SLC22A14: variants seen among roughly 807,000 people sequenced by gnomAD.
SLC22A14 encodes organic cation transporter-like 4.
In SLC22A14, 50 loss-of-function variants were observed where a neutral mutation model predicts 53.9. That is an observed-to-expected ratio of 0.93 (90% confidence interval 0.74 to 1.17). SLC22A14 has a LOEUF of 1.17. Among genes scored for constraint, SLC22A14 ranks in the 50% most tolerant of loss-of-function variants. SLC22A14 has a pLI of 0.00. For synonymous variants in SLC22A14, 312 were observed against 303.0 expected, an observed-to-expected ratio of 1.03 and a Z score of -0.31; for missense variants, 671 against 734.7, an observed-to-expected ratio of 0.91 and a Z score of 1.00.
chr3:38,305,645 TTTTTGAAGAAAA>T, intron 1 of SLC22A14: 1 of 178,066 alleles, frequency 5.6e-6, no homozygotes, highest in Admixed American at 5.5e-5. Context: ...TCTTTGTTTG[TTTTTGAAGAAAA>T]GGTCCCTAGA....
chr3:38,297,965 T>G (rs1419340700), intron 1 of SLC22A14, among the ~76,000 whole-genome samples: 1 of 152,218 alleles, frequency 6.6e-6, no homozygotes, highest in African/African-American at 2.4e-5. Context: ...TGCCAAATGG[T>G]GATTTTTGAA....
chr3:38,280,228 A>G (rs1703638838), upstream of SLC22A14, among the ~76,000 whole-genome samples: 1 of 152,230 alleles, frequency 6.6e-6, no homozygotes, highest in Non-Finnish European at 1.5e-5. Flanking sequence ...ACCTTTTCTA[A>G]TAAAAACACT....
At position 38,307,813 on chromosome 3, in the gene SLC22A14, C is replaced by A; in HGVS notation, c.775+93C>A. ...GGGGACATAGTGGCAGGGGGCGTGGCGGCATAGGCAGATGGCAAGGGGGCG... is the reference window on the plus strand; with the variant it reads ...GGGGACATAGTGGCAGGGGGCGTGGAGGCATAGGCAGATGGCAAGGGGGCG... On this transcript the variant is annotated intron_variant, in intron 4 of 10. Transcript: ENST00000448498. This position sits in a 1 kb window ranked among gnomAD's most constrained non-coding sequence, Gnocchi z 4.4. 1 of 1,410,194 alleles carries A rather than the reference C, an allele frequency of 7.1e-7. No homozygotes were observed. Among genetic ancestry groups the A allele is most frequent in the Non-Finnish European group, 9.8e-7 (1 of 1,018,738 alleles). The allele number at this position is 1,410,194 out of a possible 1,614,324, so 87.4% of individuals were successfully genotyped here.
At chr3:38,298,517 A>G (rs1172240596) in intron 1 of SLC22A14, among the ~76,000 whole-genome samples, 1 of 151,856 alleles carries the variant, frequency 6.6e-6, no homozygotes, top group Non-Finnish European at 1.5e-5. Flanking sequence ...TTTGGTTCCA[A>G]TCCAAGACCA....
At chr3:38,304,448 C>T (rs766132825) in intron 1 of SLC22A14, among the ~76,000 whole-genome samples, 9 of 152,008 alleles carry the variant, frequency 5.9e-5, no homozygotes, top group African/African-American at 1.4e-4. Flanking sequence ...AGTGCGGTGG[C>T]GTGATCATGG....
intron 1 of SLC22A14, among the ~76,000 whole-genome samples, chr3:38,286,614 T>C (rs780710486): frequency 8.6e-5 from 13 of 151,914 alleles, no homozygotes; most frequent in Non-Finnish European, 1.5e-4. Context: ...TTTCACCATG[T>C]TGGCCAGTCT....
intron 5 of SLC22A14, 23 bp downstream of exon 5, chr3:38,309,145 T>G (rs770052868): frequency 1.9e-6 from 3 of 1,602,652 alleles, no homozygotes; most frequent in Non-Finnish European, 2.6e-6. Context: ...GTACCGGGCA[T>G]GTACAGGGCT....
intron 1 of SLC22A14, among the ~76,000 whole-genome samples, chr3:38,294,629 G>C (rs1407727869): frequency 5.3e-5 from 8 of 152,074 alleles, no homozygotes; most frequent in Non-Finnish European, 8.8e-5. Context: ...CGTCCTCTAT[G>C]GTCCTAGTGC....
intron 1 of SLC22A14, among the ~76,000 whole-genome samples, chr3:38,285,110 G>A (rs982638849): frequency 2.0e-5 from 3 of 152,192 alleles, no homozygotes; most frequent in African/African-American, 4.8e-5. Context: ...CAAAGATTCC[G>A]TAGCCATTAA....
intron 1 of SLC22A14, among the ~76,000 whole-genome samples, chr3:38,292,831 G>A (rs564237854): frequency 6.6e-6 from 1 of 152,294 alleles, no homozygotes; most frequent in South Asian, 2.1e-4. Flanking sequence ...ACAAGGAAAT[G>A]GGGCTTTCAG....
chr3:38,317,648 C>T (rs1441532364), intron 10 of SLC22A14, among the ~76,000 whole-genome samples: 2 of 152,154 alleles, frequency 1.3e-5, no homozygotes, highest in Non-Finnish European at 2.9e-5. Flanking sequence ...TACCTCATAC[C>T]TCTGAGACTC....
chr3:38,313,034 A>G lies in SLC22A14; in HGVS notation c.980A>G (p.Lys327Arg). The G allele has an allele frequency of 1.8e-5, 28 of 1,592,666 alleles. No individual in the cohort carries two copies. Among genetic ancestry groups the G allele is most frequent in the Non-Finnish European group, 2.3e-5 (27 of 1,170,338 alleles). ...GAGTCCCCGCGGTGGCTGATGATGA[A>G]AGGGAAGGTGAAGGAGGCCAAGCAG... is the stretch of plus-strand genomic sequence containing the variant. ...LPESPRWLMM[K>R]GKVKEAKQVL... The change falls in exon 6 of 11, where the codon AAA becomes AGA. Residue 327 changes from lysine (K) to arginine (R), a missense_variant. By Grantham distance (26) the Lys-to-Arg change is conservative (BLOSUM62 2). Transcript: ENST00000448498.
At position 38,315,252 on chromosome 3, in the gene SLC22A14, A is replaced by G. The variant is rs147436134; in HGVS notation, c.1379-306A>G. On this transcript the variant is annotated intron_variant, in intron 8 of 10. Transcript: ENST00000448498. The stretch of plus-strand genomic sequence containing the variant: ...TCCCCAGTGGGGTGAGGAAGCTGCA[A>G]TTGGGTGAGGAGGTGGAACGAAGAC... Among the ~76,000 whole-genome samples, 417 of 152,358 alleles carry G rather than the reference A, an allele frequency of 2.7e-3. 2 individuals are homozygous for G. The highest frequency in any genetic ancestry group is 4.5e-3 in the Non-Finnish European group (303 of 68,030).
rs778636799 is a variant in SLC22A14 at position 38,313,503 on chromosome 3, G to T, written c.1163+18G>T. On this transcript the variant is annotated intron_variant, in intron 7 of 10. Transcript: ENST00000448498. Reference sequence around the variant, plus strand: ...TGTGTGTGGTGAGTATCCAGGGCTCGCTGGCAGGGACTGCGAACAGGTGCG... The same window carrying T: ...TGTGTGTGGTGAGTATCCAGGGCTCTCTGGCAGGGACTGCGAACAGGTGCG... 1.3e-6 allele frequency: 2 copies of T among 1,557,256 alleles called. No homozygotes were observed. Among genetic ancestry groups the T allele is most frequent in the Non-Finnish European group, 1.8e-6 (2 of 1,128,212 alleles).
In SLC22A14 at chr3:38,291,420, G is replaced by A. The variant is rs570829802; in HGVS notation, c.-1+9081G>A. 2.0e-5 allele frequency among the ~76,000 whole-genome samples: 3 copies of A among 152,332 alleles called. No homozygotes were observed. The East Asian group carries it at 5.8e-4, about 29-fold the overall frequency. On this transcript the variant is annotated intron_variant, in intron 1 of 10. Coordinates refer to ENST00000448498, the MANE Select transcript of SLC22A14 (RefSeq NM_001320033.2). ...CACAGTTGCGGCACTGGCCCTTCAA[G>A]TAATAGAGGCTGATATTTAAGCAAA...
At position 38,307,376 on chromosome 3, in the gene SLC22A14, C is replaced by T. The variant is rs1434152812; in HGVS notation, c.620+19C>T. 3.8e-6 allele frequency: 6 copies of T among 1,593,412 alleles called. No homozygotes were observed. The highest frequency in any genetic ancestry group is 2.2e-5 in the South Asian group (2 of 90,700). On this transcript the variant is annotated intron_variant, in intron 3 of 10. Transcript: ENST00000448498. The surrounding 1 kb of genome is among the most constrained non-coding windows in gnomAD (Gnocchi z 4.4). The stretch of plus-strand genomic sequence containing the variant: ...CTGACAAGTGAGTCCCCGGGAGTTT[C>T]TGCTGGTCCCCGAGCCATCCCAACT...
chr3:38,293,874 G>T (rs1455048984), intron 1 of SLC22A14, among the ~76,000 whole-genome samples: 1 of 152,120 alleles, frequency 6.6e-6, no homozygotes, highest in Non-Finnish European at 1.5e-5. Flanking sequence ...GCGGGCTCCA[G>T]TTATGGCATC....
intron 10 of SLC22A14, among the ~76,000 whole-genome samples, chr3:38,317,186 A>C (rs1017635395): frequency 2.0e-5 from 3 of 152,188 alleles, no homozygotes; most frequent in African/African-American, 7.2e-5. Flanking sequence ...CCGAGGCCCT[A>C]GAGTGTCCTC....
intron 1 of SLC22A14, among the ~76,000 whole-genome samples, chr3:38,304,190 CA>C (rs71245390): frequency 0.01 from 1,248 of 121,560 alleles, 5 homozygotes; most frequent in African/African-American, 0.018. Flanking sequence ...GACTCTGTCT[CA>C]AAAAAAAAAA....
Sources: gnomAD v4.1 joint callset for allele counts (sites outside exome capture counted in the v4.1 genomes callset) on GRCh38, gnomAD v4.1.1 for gene constraint, Gnocchi (gnomAD v3.1) non-coding constraint, MANE v1.5 for transcripts, NCBI Gene and HGNC (gene_info 2026-07-23, HGNC 2026-07-21) for gene names.